The following DDX1 variants were observed in gnomAD, a reference collection of about 807,000 sequenced individuals.
DDX1 encodes the protein DEAD-box helicase 1.
DDX1 carries 28 observed loss-of-function variants against 108.7 expected under a neutral mutation model. That is an observed-to-expected ratio of 0.26 (90% CI 0.19 to 0.35). The LOEUF is 0.35. DDX1 is among the 10% of genes least tolerant of loss of function. DDX1 has a pLI of 1.00. For missense variants in DDX1, 710 were observed against 884.5 expected (o/e 0.80, Z 2.50); for synonymous variants, 295 against 288.9 (o/e 1.02, Z -0.21).
At chr2:15,602,662 C>T (rs772770300) in intron 7 of DDX1, 31 bp downstream of exon 7, 1 of 1,480,772 alleles carries the variant, frequency 6.8e-7, no homozygotes, top group Non-Finnish European at 9.4e-7. Context: ...CTTGTATAAA[C>T]TTTTGAGGCA....
intron 7 of DDX1, 87 bp downstream of exon 7, chr2:15,602,718 T>A: frequency 9.3e-7 from 1 of 1,074,124 alleles, no homozygotes; most frequent in Non-Finnish European, 1.4e-6. Flanking sequence ...TGTTTGTTTT[T>A]GAGATGGAGT....
chr2:15,593,367 T>C (rs1665449356), intron 1 of DDX1, among the ~76,000 whole-genome samples: 1 of 152,214 alleles, frequency 6.6e-6, no homozygotes, highest in African/African-American at 2.4e-5. Context: ...TTGGGAGTCA[T>C]ACACAAATTT....
chr2:15,612,007 A>C (rs1304667575), intron 13 of DDX1, among the ~76,000 whole-genome samples: 1 of 134,250 alleles, frequency 7.4e-6, no homozygotes, highest in Non-Finnish European at 1.6e-5. Flanking sequence ...CTGGCCGGGC[A>C]GAGGGGCTCC....
rs927955758 is a variant in DDX1 at position 15,594,815 on chromosome 2, T to C, written c.17-330T>C. Among the ~76,000 whole-genome samples, 34 of 152,338 alleles carry C rather than the reference T, an allele frequency of 2.2e-4. 1 individual carries two copies. The highest frequency in any genetic ancestry group is 7.9e-4 in the African/African-American group (33 of 41,572). On this transcript the variant is annotated intron_variant, in intron 1 of 25. Coordinates refer to ENST00000233084, the MANE Select transcript of DDX1 (RefSeq NM_004939.3). ...AACAGGCACTGTAGTGGCTACAGTTTATTAGGTGACAACCATGCTCCAGTT... is the reference window on the plus strand; with the variant it reads ...AACAGGCACTGTAGTGGCTACAGTTCATTAGGTGACAACCATGCTCCAGTT...
rs1331525346 is a variant in DDX1 at position 15,611,764 on chromosome 2, C to T, written c.957-1460C>T. On this transcript the variant is annotated intron_variant, in intron 13 of 25. Transcript: ENST00000233084. Reference sequence around the variant, plus strand: ...CTGACCCCCCCACCTCCCTCCCGGACGGGGTGGCTGGCCGGGCGGGGGGCT... The same window carrying T: ...CTGACCCCCCCACCTCCCTCCCGGATGGGGTGGCTGGCCGGGCGGGGGGCT... 5.5e-4 allele frequency among the ~76,000 whole-genome samples: 55 copies of T among 100,506 alleles called. 2 individuals carry two copies. The highest frequency in any genetic ancestry group is 9.2e-4 in the Non-Finnish European group (47 of 51,142). 65.9% of individuals were successfully genotyped at this position (100,506 alleles called of 152,430 possible).
At chr2:15,603,964 G>A in intron 9 of DDX1, 74 bp downstream of exon 9, 1 of 948,010 alleles carries the variant, frequency 1.1e-6, no homozygotes, top group African/African-American at 1.7e-5. Flanking sequence ...ATGACAGAAT[G>A]AGGGTATACA....
At chr2:15,606,891 T>C (rs1204665287) in intron 12 of DDX1, among the ~76,000 whole-genome samples, 1 of 152,174 alleles carries the variant, frequency 6.6e-6, no homozygotes, top group Admixed American at 6.5e-5. Context: ...GGCGCCATCA[T>C]AGCTCACTGC....
Position 15,630,847 on chromosome 2 carries a change from G to A in DDX1, c.2164G>A (p.Ala722Thr). ...AGAGTTGGCTGCCCTTGAAAAGGAG[G>A]CGCAGACATCTTTCCTGCATCTTGG... ...VQELAALEKEAQTSFLHLGYL... is the reference protein window; with the variant it reads ...VQELAALEKETQTSFLHLGYL... The change falls in exon 26 of 26, where the codon GCG becomes ACG. Residue 722 changes from alanine to threonine, a missense_variant. Transcript: ENST00000233084. The A allele has an allele frequency of 2.5e-6, 4 of 1,614,080 alleles. No homozygotes were observed. The highest frequency in any genetic ancestry group is 3.4e-6 in the Non-Finnish European group (4 of 1,179,942).
In DDX1 at chr2:15,599,673, G is replaced by T; in HGVS notation, c.264G>T (p.Leu88=). 1.2e-6 allele frequency: 2 copies of T among 1,605,614 alleles called. No homozygotes were observed. The highest frequency in any genetic ancestry group is 1.3e-5 in the African/African-American group (1 of 74,580). The change falls in exon 6 of 26, where the codon CTG becomes CTT. Residue 88 remains leucine (L), a synonymous_variant. Coordinates refer to ENST00000233084, the MANE Select transcript of DDX1 (RefSeq NM_004939.3). The part of the protein sequence containing the change: ...KTTIKTGASV[L]NKWQMNPYDR... The stretch of plus-strand genomic sequence containing the variant: ...TTCTTATTTTAATTTGTTTAGTGCT[G>T]AACAAATGGCAGATGAACCCATATG...
chr2:15,621,329 A>C (rs1666002969), intron 18 of DDX1: 1 of 493,660 alleles, frequency 2.0e-6, no homozygotes, highest in East Asian at 3.7e-5. Context: ...TTTTTGAGAC[A>C]GAGTCATGTT....
chr2:15,610,369 G>A (rs910754817), intron 13 of DDX1, among the ~76,000 whole-genome samples: 30 of 152,158 alleles, frequency 2.0e-4, no homozygotes, highest in African/African-American at 7.2e-4. Flanking sequence ...AATTTTATTT[G>A]TGTTGTCTTC....
At chr2:15,617,779 G>T (rs1249588441) in intron 15 of DDX1, among the ~76,000 whole-genome samples, 2 of 152,138 alleles carry the variant, frequency 1.3e-5, no homozygotes, top group East Asian at 3.8e-4. Context: ...CATCTGGAAG[G>T]ACATAAATGT....
At chr2:15,593,970 C>T (rs1008458123) in intron 1 of DDX1, among the ~76,000 whole-genome samples, 1 of 151,848 alleles carries the variant, frequency 6.6e-6, no homozygotes, top group Non-Finnish European at 1.5e-5. Context: ...CCCAGCTCCT[C>T]GGGAGGCTGA....
At chr2:15,630,746 A>C (rs931967528) in intron 25 of DDX1, 30 bp from the exon 26 acceptor site, 1 of 1,596,060 alleles carries the variant, frequency 6.3e-7, no homozygotes, top group Non-Finnish European at 8.6e-7. Context: ...CATGTCATTT[A>C]CATTACTTTG....
At chr2:15,602,988 G>T (rs1036890690) in intron 7 of DDX1, among the ~76,000 whole-genome samples, 1 of 152,220 alleles carries the variant, frequency 6.6e-6, no homozygotes, top group Non-Finnish European at 1.5e-5. Context: ...GCTGCCTGCA[G>T]GCGTGAGCCA....
intron 6 of DDX1, 52 bp downstream of exon 6, chr2:15,599,768 A>C (rs980088564): frequency 3.8e-6 from 5 of 1,301,884 alleles, no homozygotes; most frequent in Non-Finnish European, 4.4e-6. Context: ...AACTTTAAAA[A>C]ATAATACATG....
At position 15,627,797 on chromosome 2, in the gene DDX1, G is replaced by A. The variant is rs371474498; in HGVS notation, c.1687-648G>A. Among the ~76,000 whole-genome samples, 15 of 152,268 alleles carry A rather than the reference G, an allele frequency of 9.9e-5. No individual in the cohort carries two copies. In the East Asian group the frequency reaches 2.1e-3, roughly 22 times the overall value. On this transcript the variant is annotated intron_variant, in intron 20 of 25. Transcript: ENST00000233084. ...GAACTTTGGCTTACGTTTCCATGCT[G>A]GGCATAATTGATGCAGATGTGAAAA... is the stretch of plus-strand genomic sequence containing the variant.
chr2:15,611,765 G>T (rs1314415065), intron 13 of DDX1, among the ~76,000 whole-genome samples: 1 of 105,264 alleles, frequency 9.5e-6, no homozygotes, highest in Non-Finnish European at 1.9e-5. Context: ...CCTCCCGGAC[G>T]GGGTGGCTGG....
chr2:15,630,391 CAA>C (rs1003623481), intron 25 of DDX1, among the ~76,000 whole-genome samples: 72 of 152,232 alleles, frequency 4.7e-4, no homozygotes, highest in African/African-American at 1.7e-3. Context: ...TAGTAGGAAA[CAA>C]GAGCATAATA....
Sources: allele counts gnomAD v4.1 joint callset (sites outside exome capture counted in the v4.1 genomes callset), GRCh38; gene constraint gnomAD v4.1.1; transcripts MANE v1.5; gene names NCBI Gene and HGNC (gene_info 2026-07-23, HGNC 2026-07-21).